Variants in TBC1D5 observed in about 807,000 individuals in gnomAD.
TBC1D5 encodes TBC1 domain family member 5.
TBC1D5 carries 75 observed loss-of-function variants against 100.3 expected under a neutral mutation model. That is an observed-to-expected ratio of 0.75 (90% CI 0.62 to 0.91). The LOEUF (loss-of-function observed/expected upper bound fraction) is 0.91. TBC1D5 is among the 40% of genes least tolerant of loss of function. The pLI is 0.00. For missense variants in TBC1D5, 910 were observed against 942.4 expected, an observed-to-expected ratio of 0.97 and a Z score of 0.45; for synonymous variants, 323 against 325.6, an observed-to-expected ratio of 0.99 and a Z score of 0.09.
intron 1 of TBC1D5, among the ~76,000 whole-genome samples, chr3:17,636,975 T>C (rs1330607474): frequency 2.0e-5 from 3 of 151,868 alleles, no homozygotes; most frequent in Non-Finnish European, 2.9e-5. Context: ...TTATACTAAA[T>C]GAATGCCAAA....
intron 19 of TBC1D5, among the ~76,000 whole-genome samples, chr3:17,183,834 AGAGAG>A (rs1176043635): frequency 5.3e-5 from 8 of 152,242 alleles, no homozygotes; most frequent in Admixed American, 3.3e-4. Context: ...GTTTGAAGGC[AGAGAG>A]TTTACCTCCA....
intron 17 of TBC1D5, among the ~76,000 whole-genome samples, chr3:17,220,736 G>T (rs1334465088): frequency 6.6e-6 from 1 of 151,972 alleles, no homozygotes; most frequent in East Asian, 1.9e-4. Context: ...TTAAGCCAGT[G>T]GCTTTTATTG....
At chr3:17,184,948 G>A (rs1230457568) in intron 19 of TBC1D5, 161 bp downstream of exon 20, 1 of 484,348 alleles carries the variant, frequency 2.1e-6, no homozygotes, top group Non-Finnish European at 3.6e-6. Context: ...TCTATATAAT[G>A]TAGAGAGTGA....
Position 17,364,108 on chromosome 3 carries a change from C to T in TBC1D5, c.995+7967G>A, listed in dbSNP as rs373349825. ...TAGAATGTCTTCACTGATATTCTTA[C>T]AAAATCTATCGTCATTGGAAGATAG... On this transcript the variant is annotated intron_variant, in intron 13 of 21. Transcript: ENST00000253692. Among the ~76,000 whole-genome samples the T allele has an allele frequency of 8.0e-4, 122 of 151,966 alleles. 2 individuals are homozygous for T. In the East Asian group the frequency reaches 0.012, roughly 15 times the overall value.
At position 17,356,991 on chromosome 3, in the gene TBC1D5, T is replaced by C. The variant is rs576463102; in HGVS notation, c.995+15084A>G. On this transcript the variant is annotated intron_variant, in intron 13 of 21. Transcript: ENST00000253692. Reference sequence around the variant, plus strand: ...TTGTGGGGAGATAATCACTGTTTTGTGATAAAAAAAAAAAATAGTGACACT... The same window carrying C: ...TTGTGGGGAGATAATCACTGTTTTGCGATAAAAAAAAAAAATAGTGACACT... Among the ~76,000 whole-genome samples, 231 of 107,044 alleles carry C rather than the reference T, an allele frequency of 2.2e-3. 1 individual carries two copies. The highest frequency in any genetic ancestry group is 3.5e-3 in the Non-Finnish European group (183 of 51,824). 70.2% of individuals were successfully genotyped at this position (107,044 alleles called of 152,430 possible). A position where few individuals can be genotyped will look rare whatever the true frequency, so the allele number is the denominator to read the frequency against.
At chr3:17,281,243 T>G (rs1000445444) in intron 15 of TBC1D5, among the ~76,000 whole-genome samples, 1 of 152,230 alleles carries the variant, frequency 6.6e-6, no homozygotes, top group Middle Eastern at 3.2e-3. Context: ...TTAGTATATT[T>G]TGGCTAAATG....
chr3:17,398,848 G>A (rs2152393938), intron 8 of TBC1D5, among the ~76,000 whole-genome samples: 1 of 152,020 alleles, frequency 6.6e-6, no homozygotes, highest in East Asian at 1.9e-4. Context: ...TAAATGTATT[G>A]AATACACTGA....
At chr3:17,282,739 T>C (rs535114332) in intron 15 of TBC1D5, among the ~76,000 whole-genome samples, 1 of 152,336 alleles carries the variant, frequency 6.6e-6, no homozygotes, top group East Asian at 1.9e-4. Flanking sequence ...TGAACAACTA[T>C]TACACACAAT....
intron 1 of TBC1D5, among the ~76,000 whole-genome samples, chr3:17,631,647 T>C (rs1487945895): frequency 6.6e-6 from 1 of 152,238 alleles, no homozygotes; most frequent in Non-Finnish European, 1.5e-5. Context: ...CTGGTGACTT[T>C]AAAGCCAATG....
chr3:17,679,025 T>TA (rs2069080235), intron 1 of TBC1D5, among the ~76,000 whole-genome samples: 1 of 149,452 alleles, frequency 6.7e-6, no homozygotes, highest in African/African-American at 2.5e-5. Flanking sequence ...GAGAGTAAAA[T>TA]AGAGTTATTT....
intron 13 of TBC1D5, among the ~76,000 whole-genome samples, chr3:17,341,418 G>T (rs938202800): frequency 1.3e-5 from 2 of 152,048 alleles, no homozygotes; most frequent in Non-Finnish European, 2.9e-5. Flanking sequence ...GGATGGTCTC[G>T]ATCTCCTGAC....
chr3:17,601,853 C>A (rs141223518), intron 2 of TBC1D5, among the ~76,000 whole-genome samples: 2 of 151,568 alleles, frequency 1.3e-5, no homozygotes, highest in African/African-American at 2.4e-5. Context: ...TTTTTGAGAC[C>A]GAGTCTCGCT....
At chr3:17,528,167 C>T (rs1371635733) in intron 2 of TBC1D5, among the ~76,000 whole-genome samples, 1 of 152,028 alleles carries the variant, frequency 6.6e-6, no homozygotes, top group Non-Finnish European at 1.5e-5. Context: ...TCAAGCGATC[C>T]GCCCACCTCA....
chr3:17,225,452 A>C (rs766056084), intron 17 of TBC1D5, among the ~76,000 whole-genome samples: 50 of 151,174 alleles, frequency 3.3e-4, no homozygotes, highest in Non-Finnish European at 6.3e-4. Flanking sequence ...AAAAAAAAAA[A>C]AAAACAAAAA....
In TBC1D5 at chr3:17,185,696, T is replaced by G. The variant is rs927457099; in HGVS notation, c.1753-488A>C. Among the ~76,000 whole-genome samples, 5 of 122,282 alleles carry G rather than the reference T, an allele frequency of 4.1e-5. No homozygotes were observed. In the South Asian group the frequency reaches 1.2e-3, roughly 30 times the overall value. The allele number at this position is 122,282 out of a possible 152,430, so 80.2% of individuals were successfully genotyped here. On this transcript the variant is annotated intron_variant, in intron 18 of 21. Coordinates refer to ENST00000253692, the Ensembl canonical transcript of TBC1D5. ...CTCTAAGCCTGGAACCTAGACTTTG[T>G]AAAAATAAAAAAAAAATAAAAAAAA...
At chr3:17,538,692 A>G (rs150196752) in intron 2 of TBC1D5, among the ~76,000 whole-genome samples, 1 of 152,214 alleles carries the variant, frequency 6.6e-6, no homozygotes, top group African/African-American at 2.4e-5. Context: ...CACTGCTAAC[A>G]GGTGGATTCA....
At chr3:17,585,608 T>A (rs2096727873) in intron 2 of TBC1D5, among the ~76,000 whole-genome samples, 1 of 152,180 alleles carries the variant, frequency 6.6e-6, no homozygotes, top group African/African-American at 2.4e-5. Context: ...GCAGCTTCAC[T>A]GAGGCAGAAA....
chr3:17,733,358 C>T (rs983747521), intron 1 of TBC1D5, among the ~76,000 whole-genome samples: 4 of 152,128 alleles, frequency 2.6e-5, no homozygotes, highest in Non-Finnish European at 4.4e-5. Flanking sequence ...AGGATCTTAC[C>T]GGAAGAAAAT....
chr3:17,266,028 T>C (rs533017701), intron 15 of TBC1D5, among the ~76,000 whole-genome samples: 13 of 152,328 alleles, frequency 8.5e-5, no homozygotes, highest in Non-Finnish European at 1.5e-4. Flanking sequence ...TGTTGTAATG[T>C]TCCCTCTCTG....
Sources: gnomAD v4.1 joint callset for allele counts (sites outside exome capture counted in the v4.1 genomes callset) on GRCh38, gnomAD v4.1.1 for gene constraint, MANE v1.5 for transcripts, NCBI Gene and HGNC (gene_info 2026-07-23, HGNC 2026-07-21) for gene names.